ABCA9: variants seen among roughly 807,000 people sequenced by gnomAD.
ABCA9 encodes the protein ATP binding cassette subfamily A member 9.
A neutral mutation model predicts 205.3 loss-of-function variants in ABCA9; 183 were observed. The ratio of observed to expected loss-of-function variants is 0.89; its 90% confidence interval spans 0.79 to 1.01. The LOEUF (loss-of-function observed/expected upper bound fraction) is 1.01. Ranked by LOEUF, ABCA9 falls within the 50% of genes least tolerant of loss-of-function variation. The probability of loss-of-function intolerance (pLI) is 0.00; values close to 1 mark genes in which losing one functional copy is unlikely to be tolerated. For synonymous variants in ABCA9, 651 were observed against 683.3 expected (o/e 0.95, Z 0.74); for missense variants, 1,805 against 1,912.4 (o/e 0.94, Z 1.05).
chr17:69,007,204 C>T lies in ABCA9; in HGVS notation c.3435+555G>A, dbSNP rs143317567. ...GGTCATGAGGTCAGGAGTTCATGAC[C>T]AGCCTGGCCAATATGGTGAAACCCC... On this transcript the variant is annotated intron_variant, in intron 25 of 38. Coordinates refer to ENST00000340001, the MANE Select transcript of ABCA9 (RefSeq NM_080283.4). Among the ~76,000 whole-genome samples, 1,681 of 152,194 alleles carry T rather than the reference C, an allele frequency of 0.011. 75 individuals carry two copies. The East Asian group carries it at 0.12, about 11-fold the overall frequency.
At chr17:68,977,999 A>G (rs979325254) in intron 37 of ABCA9, among the ~76,000 whole-genome samples, 7 of 152,154 alleles carry the variant, frequency 4.6e-5, no homozygotes, top group African/African-American at 1.7e-4. Flanking sequence ...CTTGGTGCAG[A>G]GCTGAATTCA....
intron 1 of ABCA9, among the ~76,000 whole-genome samples, chr17:69,059,228 C>T (rs1217789785): frequency 1.3e-5 from 2 of 152,078 alleles, no homozygotes; most frequent in African/African-American, 4.8e-5. Flanking sequence ...ATAATGGTCC[C>T]GTTCTAATCC....
chr17:69,028,522 A>G lies in ABCA9; in HGVS notation c.1615+13T>C. 1.3e-6 allele frequency: 2 copies of G among 1,538,364 alleles called. No homozygotes were observed. The highest frequency in any genetic ancestry group is 8.9e-7 in the Non-Finnish European group (1 of 1,121,296). ...TTGTCCAGGTACTTGTCCTTGGATA[A>G]CTGTCTTCTTACCTGATGTTGGAAC... On this transcript the variant is annotated intron_variant, in intron 12 of 38. Coordinates refer to ENST00000340001, the MANE Select transcript of ABCA9 (RefSeq NM_080283.4).
At chr17:69,054,263 T>A (rs1405604828) in intron 1 of ABCA9, among the ~76,000 whole-genome samples, 1 of 152,178 alleles carries the variant, frequency 6.6e-6, no homozygotes, top group African/African-American at 2.4e-5. Flanking sequence ...GGCTCATGCC[T>A]GCAATTACAG....
chr17:68,979,650 C>G (rs1369560982), intron 37 of ABCA9, among the ~76,000 whole-genome samples: 1 of 152,160 alleles, frequency 6.6e-6, no homozygotes, highest in Non-Finnish European at 1.5e-5. Context: ...ACTATCTGAT[C>G]TTTGAGAAAC....
intron 1 of ABCA9, among the ~76,000 whole-genome samples, chr17:69,052,845 G>T (rs375005538): frequency 4.6e-5 from 7 of 152,130 alleles, no homozygotes; most frequent in Non-Finnish European, 8.8e-5. Context: ...CCCATAACCC[G>T]CTCCTTGGGT....
chr17:69,021,856 A>G lies in ABCA9; in HGVS notation c.2287T>C (p.Tyr763His). 1 of 1,461,466 alleles carries G rather than the reference A, an allele frequency of 6.8e-7. No homozygotes were observed. Among genetic ancestry groups the G allele is most frequent in the South Asian group, 1.4e-5 (1 of 72,370 alleles). The allele number at this position is 1,461,466 out of a possible 1,614,324, so 90.5% of individuals were successfully genotyped here. A position where few individuals can be genotyped will look rare whatever the true frequency, so the allele number is the denominator to read the frequency against. Reference sequence around the variant, plus strand: ...TTAGAACATCTATCAAGATCCCTGTAAAGTTCTAAAAGTGGATACAAAAAC... The same window carrying G: ...TTAGAACATCTATCAAGATCCCTGTGAAGTTCTAAAAGTGGATACAAAAAC... ...LERTNKFPEL[Y>H]RDLDRCSNQG... The change falls in exon 18 of 39, where the codon TAC becomes CAC. Residue 763 changes from tyrosine to histidine, a missense_variant. Physicochemically the swap from Tyr to His is moderately conservative, Grantham distance 83. Coordinates refer to ENST00000340001, the MANE Select transcript of ABCA9 (RefSeq NM_080283.4).
In ABCA9 at chr17:68,989,139, C is replaced by T. The variant is rs779372757; in HGVS notation, c.3956-21G>A. On this transcript the variant is annotated intron_variant, in intron 30 of 38. Transcript: ENST00000340001. ...TTCACCTGAAAGAAAGTGGTATGCTCAGAAATATACAAATAATTGCAACAA... is the reference window on the plus strand; with the variant it reads ...TTCACCTGAAAGAAAGTGGTATGCTTAGAAATATACAAATAATTGCAACAA... 29 of 1,452,454 alleles carry T rather than the reference C, an allele frequency of 2.0e-5. No homozygotes were observed. The African/African-American group carries it at 2.8e-4, about 14-fold the overall frequency. The allele number at this position is 1,452,454 out of a possible 1,614,324, so 90.0% of individuals were successfully genotyped here. A position where few individuals can be genotyped will look rare whatever the true frequency, so the allele number is the denominator to read the frequency against.
At position 68,976,191 on chromosome 17, in the gene ABCA9, C is replaced by T. The variant is rs1387458317; in HGVS notation, c.4721-1G>A. 6.2e-7 allele frequency: 1 copy of T among 1,613,674 alleles called. No homozygotes were observed. Among genetic ancestry groups the T allele is most frequent in the Admixed American group, 1.7e-5 (1 of 59,982 alleles). On this transcript the variant is annotated splice_acceptor_variant, in intron 37 of 38. Transcript: ENST00000340001. LOFTEE classifies it high-confidence loss of function. Reference sequence around the variant, plus strand: ...TCCTCCAGGTCGAAACTCTGTTTAACTGCATAAGAATGAGCATACATTAGG... The same window carrying T: ...TCCTCCAGGTCGAAACTCTGTTTAATTGCATAAGAATGAGCATACATTAGG...
At chr17:69,042,637 C>A (rs1203588557) in intron 6 of ABCA9, 2 of 152,108 alleles carry the variant, frequency 1.3e-5, no homozygotes, top group Non-Finnish European at 2.9e-5. Context: ...TTGGGTTCAC[C>A]CATATATGGT....
At chr17:69,059,255 G>A (rs2072160281) in intron 1 of ABCA9, among the ~76,000 whole-genome samples, 1 of 152,158 alleles carries the variant, frequency 6.6e-6, no homozygotes, top group Non-Finnish European at 1.5e-5. Context: ...TTGTGAATAT[G>A]TTACAGTACA....
intron 26 of ABCA9, among the ~76,000 whole-genome samples, chr17:68,994,591 C>T (rs546367985): frequency 6.6e-6 from 1 of 152,220 alleles, no homozygotes; most frequent in South Asian, 2.1e-4. Flanking sequence ...AATCCCAAGC[C>T]CCCTTGGCCA....
intron 4 of ABCA9, 125 bp from the exon 5 acceptor site, chr17:69,044,725 T>G: frequency 3.9e-6 from 3 of 776,728 alleles, no homozygotes; most frequent in South Asian, 3.7e-5. Flanking sequence ...GTCTTCTCAG[T>G]TGAGAGTTGC....
Position 68,983,760 on chromosome 17 carries a change from G to A in ABCA9, c.4589C>T (p.Pro1530Leu), listed in dbSNP as rs758415929. The A allele has an allele frequency of 3.1e-6, 5 of 1,614,186 alleles. No homozygotes were observed. Among genetic ancestry groups the A allele is most frequent in the Middle Eastern group, 1.6e-4 (1 of 6,062 alleles). ...MKLKNLAQME[P>L]LHAEILRLFP... ...AAGCCTCAGGATCTCTGCATGGAGGGGCTCCATTTGTGCCAGGTTCTTCAG... is the reference window on the plus strand; with the variant it reads ...AAGCCTCAGGATCTCTGCATGGAGGAGCTCCATTTGTGCCAGGTTCTTCAG... The change falls in exon 36 of 39, where the codon CCC becomes CTC. Residue 1530 changes from proline to leucine, a missense_variant. Transcript: ENST00000340001.
chr17:69,042,007 C>G (rs1474527157), intron 6 of ABCA9, among the ~76,000 whole-genome samples: 1 of 152,146 alleles, frequency 6.6e-6, no homozygotes, highest in Non-Finnish European at 1.5e-5. Context: ...TCTTATTTAA[C>G]AGGGAGATAA....
intron 6 of ABCA9, chr17:69,042,205 C>T (rs919635279): frequency 6.6e-6 from 1 of 152,168 alleles, no homozygotes; most frequent in African/African-American, 2.4e-5. Flanking sequence ...CATAAAGCTC[C>T]CCATATCTCC....
At position 68,989,940 on chromosome 17, in the gene ABCA9, CAAGT is replaced by C; in HGVS notation, c.3838-14_3838-11del. 1 of 1,577,504 alleles carries C rather than the reference CAAGT, an allele frequency of 6.3e-7. No individual in the cohort carries two copies. The highest frequency in any genetic ancestry group is 1.1e-5 in the South Asian group (1 of 88,362). On this transcript the variant is annotated splice_polypyrimidine_tract_variant and intron_variant, in intron 29 of 38. Transcript: ENST00000340001. Reference sequence around the variant, plus strand: ...CAATGATGACGGGTGTCTGTAAAGACAAGTAAATAACAACGGGACTTTATTCGCA... The same window carrying C: ...CAATGATGACGGGTGTCTGTAAAGACAAATAACAACGGGACTTTATTCGCA...
chr17:69,006,302 A>G (rs188124951), intron 25 of ABCA9, among the ~76,000 whole-genome samples: 29 of 152,364 alleles, frequency 1.9e-4, no homozygotes, highest in Middle Eastern at 3.4e-3. Flanking sequence ...ATCTCAAGAT[A>G]TACACACACA....
upstream of ABCA9, among the ~76,000 whole-genome samples, chr17:69,065,852 A>G (rs2072343586): frequency 6.6e-6 from 1 of 152,120 alleles, no homozygotes; most frequent in Non-Finnish European, 1.5e-5. Flanking sequence ...AGTTACCCTC[A>G]GGCTGTTCTT....
Sources: allele counts gnomAD v4.1 joint callset (sites outside exome capture counted in the v4.1 genomes callset), GRCh38; gene constraint gnomAD v4.1.1; transcripts MANE v1.5; gene names NCBI Gene and HGNC (gene_info 2026-07-23, HGNC 2026-07-21).